ADCY2: variants seen among roughly 807,000 people sequenced by gnomAD.
ADCY2 encodes the protein adenylate cyclase type 2.
ADCY2 carries 31 observed loss-of-function variants against 125.2 expected under a neutral mutation model. That is an observed-to-expected ratio of 0.25 (90% CI 0.19 to 0.33). The LOEUF is 0.33. ADCY2 is among the 10% of genes least tolerant of loss of function. The pLI is 1.00. For missense variants in ADCY2, 904 were observed against 1,418.2 expected, an observed-to-expected ratio of 0.64 and a Z score of 5.82; for synonymous variants, 512 against 548.4, an observed-to-expected ratio of 0.93 and a Z score of 0.93.
intron 3 of ADCY2, among the ~76,000 whole-genome samples, chr5:7,589,465 A>AG (rs1736751747): frequency 3.9e-5 from 2 of 51,304 alleles, no homozygotes; most frequent in East Asian, 1.1e-3. Flanking sequence ...AGAAAAAGAA[A>AG]GAAAGAAAGA....
In ADCY2 at chr5:7,728,290, C is replaced by T. The variant is rs1741993800; in HGVS notation, c.1871+1029C>T. Among the ~76,000 whole-genome samples, 8 of 152,262 alleles carry T rather than the reference C, an allele frequency of 5.3e-5. No homozygotes were observed. In the South Asian group the frequency reaches 1.7e-3, roughly 32 times the overall value. On this transcript the variant is annotated intron_variant, in intron 14 of 24. Coordinates refer to ENST00000338316, the MANE Select transcript of ADCY2 (RefSeq NM_020546.3). ...ACTTCAAAGGATTTTCTTCTGGGCACTGAGCCAAATAGCCAAAAACCACTT... is the reference window on the plus strand; with the variant it reads ...ACTTCAAAGGATTTTCTTCTGGGCATTGAGCCAAATAGCCAAAAACCACTT...
At chr5:7,484,291 C>A (rs1208719526) in intron 2 of ADCY2, among the ~76,000 whole-genome samples, 1 of 151,944 alleles carries the variant, frequency 6.6e-6, no homozygotes, top group African/African-American at 2.4e-5. Context: ...ATAGTAATAC[C>A]CAATTAGAAA....
At chr5:7,614,862 T>A (rs980467634) in intron 3 of ADCY2, among the ~76,000 whole-genome samples, 2 of 152,214 alleles carry the variant, frequency 1.3e-5, no homozygotes, top group Non-Finnish European at 2.9e-5. Context: ...CTCCAGGTTC[T>A]AGCAACATGT....
In ADCY2 at chr5:7,623,979, G is replaced by C. The variant is rs73050140; in HGVS notation, c.571-2188G>C. 9.6e-4 allele frequency among the ~76,000 whole-genome samples: 146 copies of C among 152,260 alleles called. 1 individual carries two copies. The highest frequency in any genetic ancestry group is 6.8e-3 in the Middle Eastern group (2 of 294). Reference sequence around the variant, plus strand: ...ATAGATGCATAACTGGACATTATGGGGGTTAGCTCTAAGAATGTGGGTGCG... The same window carrying C: ...ATAGATGCATAACTGGACATTATGGCGGTTAGCTCTAAGAATGTGGGTGCG... On this transcript the variant is annotated intron_variant, in intron 3 of 24. Coordinates refer to ENST00000338316, the MANE Select transcript of ADCY2 (RefSeq NM_020546.3).
chr5:7,400,100 T>C (rs544743570), intron 1 of ADCY2, among the ~76,000 whole-genome samples: 2 of 106,304 alleles, frequency 1.9e-5, no homozygotes, highest in African/African-American at 6.3e-5. Context: ...GTTGACATAA[T>C]TTTTTTTTAT....
chr5:7,801,496 G>A (rs1004850190), intron 20 of ADCY2: 3 of 152,188 alleles, frequency 2.0e-5, no homozygotes, highest in Non-Finnish European at 4.4e-5. Context: ...TCCACACCTA[G>A]GACTAGCCCC....
chr5:7,723,368 G>C (rs1316260644), intron 12 of ADCY2, among the ~76,000 whole-genome samples: 1 of 152,150 alleles, frequency 6.6e-6, no homozygotes, highest in African/African-American at 2.4e-5. Context: ...CTCTGCCCCA[G>C]TTGAAAGTGC....
chr5:7,541,505 C>A (rs944730154), intron 3 of ADCY2, among the ~76,000 whole-genome samples: 3 of 152,180 alleles, frequency 2.0e-5, no homozygotes, highest in Non-Finnish European at 4.4e-5. Flanking sequence ...ACGAGCTTCC[C>A]AAGGACAAGA....
chr5:7,509,152 T>C (rs1239213979), intron 2 of ADCY2, among the ~76,000 whole-genome samples: 1 of 152,204 alleles, frequency 6.6e-6, no homozygotes, highest in Non-Finnish European at 1.5e-5. Context: ...TTCAGAGCTC[T>C]TAAGAGCAGG....
chr5:7,533,674 AT>A (rs762576505), intron 3 of ADCY2, among the ~76,000 whole-genome samples: 1 of 152,004 alleles, frequency 6.6e-6, no homozygotes, highest in Non-Finnish European at 1.5e-5. Context: ...TATTTTGCTA[AT>A]TTGGTTGGGA....
At chr5:7,818,335 ATTTTTC>A (rs1156463358) in intron 23 of ADCY2, among the ~76,000 whole-genome samples, 1 of 146,892 alleles carries the variant, frequency 6.8e-6, no homozygotes, top group Non-Finnish European at 1.5e-5. Context: ...GTTTAATCAT[ATTTTTC>A]TTTTTCTTTT....
chr5:7,586,374 C>T (rs1199293356), intron 3 of ADCY2, among the ~76,000 whole-genome samples: 6 of 152,174 alleles, frequency 3.9e-5, no homozygotes, highest in African/African-American at 1.4e-4. Context: ...AAGGTCCCAA[C>T]CACATTAACA....
At chr5:7,548,584 C>A (rs1216060007) in intron 3 of ADCY2, among the ~76,000 whole-genome samples, 5 of 152,144 alleles carry the variant, frequency 3.3e-5, no homozygotes, top group Non-Finnish European at 5.9e-5. Flanking sequence ...TTTGCACCAG[C>A]AACTCCTAAT....
chr5:7,435,428 A>G (rs181352903), intron 2 of ADCY2, among the ~76,000 whole-genome samples: 1 of 152,260 alleles, frequency 6.6e-6, no homozygotes, highest in East Asian at 1.9e-4. Flanking sequence ...TCATCATACG[A>G]CATAATCAGA....
chr5:7,724,779 C>T (rs1002206238), intron 13 of ADCY2, among the ~76,000 whole-genome samples, 165 bp downstream of exon 13: 2 of 152,106 alleles, frequency 1.3e-5, no homozygotes, highest in East Asian at 1.9e-4. Flanking sequence ...TATTGCTTTA[C>T]GGTATTTCTT....
chr5:7,507,459 A>ATG (rs1466294434), intron 2 of ADCY2, among the ~76,000 whole-genome samples: 3 of 149,128 alleles, frequency 2.0e-5, no homozygotes, highest in African/African-American at 7.4e-5. Context: ...AAAAAAAAAA[A>ATG]AAGGTAACAA....
intron 4 of ADCY2, among the ~76,000 whole-genome samples, chr5:7,640,922 A>G (rs1300016581): frequency 1.5e-4 from 23 of 152,132 alleles, no homozygotes; most frequent in Admixed American, 1.5e-3. Context: ...CTGTGAATGG[A>G]TTTGGAAAAT....
chr5:7,813,613 TG>T (rs1745009675), intron 22 of ADCY2, among the ~76,000 whole-genome samples: 1 of 152,244 alleles, frequency 6.6e-6, no homozygotes, highest in Non-Finnish European at 1.5e-5. Context: ...ACCAAACTTA[TG>T]AAGACTTGTT....
intron 2 of ADCY2, among the ~76,000 whole-genome samples, chr5:7,511,542 T>G (rs997345348): frequency 1.1e-4 from 17 of 151,976 alleles, no homozygotes; most frequent in African/African-American, 4.1e-4. Flanking sequence ...ACCACTGCAC[T>G]CCAGCCTGGG....
Sources: allele counts gnomAD v4.1 joint callset (sites outside exome capture counted in the v4.1 genomes callset), GRCh38; gene constraint gnomAD v4.1.1; transcripts MANE v1.5; gene names NCBI Gene and HGNC (gene_info 2026-07-23, HGNC 2026-07-21).